The following ME1 variants were observed in gnomAD, a reference collection of about 807,000 sequenced individuals.
ME1 encodes malic enzyme 1.
ME1 carries 74 observed loss-of-function variants against 66.4 expected under a neutral mutation model. That is an observed-to-expected ratio of 1.11 (90% CI 0.92 to 1.35). ME1 has a LOEUF of 1.35. Among genes scored for constraint, ME1 ranks in the 40% most tolerant of loss-of-function variants. The pLI is 0.00. For missense variants in ME1, 750 were observed against 694.1 expected (o/e 1.08, Z -0.90); for synonymous variants, 251 against 235.6 (o/e 1.07, Z -0.60).
chr6:83,212,188 T>C (rs1305613900), intron 13 of ME1, 94 bp from the exon 14 acceptor site: 1 of 816,856 alleles, frequency 1.2e-6, no homozygotes. Flanking sequence ...AAAAACACTG[T>C]ATCCTATGTT....
chr6:83,364,378 CTTAATAA>C (rs1769060429), intron 3 of ME1, among the ~76,000 whole-genome samples: 1 of 151,824 alleles, frequency 6.6e-6, no homozygotes. Flanking sequence ...TGAGTTAATA[CTTAATAA>C]ACTCCCCTAT....
At chr6:83,225,808 T>TTATATATATATATATA (rs57577563) in intron 11 of ME1, among the ~76,000 whole-genome samples, 9 of 138,022 alleles carry the variant, frequency 6.5e-5, no homozygotes, top group Non-Finnish European at 1.1e-4. Context: ...GCCTGTAACA[T>TTATATATATATATATA]TATATATATA....
At chr6:83,308,054 A>C (rs1377291185) in intron 6 of ME1, among the ~76,000 whole-genome samples, 1 of 152,118 alleles carries the variant, frequency 6.6e-6, no homozygotes, top group Non-Finnish European at 1.5e-5. Context: ...AAAAAGCATA[A>C]TTGTATGAAA....
intron 6 of ME1, among the ~76,000 whole-genome samples, chr6:83,281,611 G>C (rs1163686117): frequency 6.6e-6 from 1 of 151,720 alleles, no homozygotes; most frequent in Non-Finnish European, 1.5e-5. Flanking sequence ...TTTGAGACCA[G>C]CCTGGCCAAG....
intron 8 of ME1, 98 bp downstream of exon 8, chr6:83,239,441 A>C: frequency 1.2e-6 from 1 of 803,106 alleles, no homozygotes. Flanking sequence ...ATAATATACT[A>C]AAAATTTGAA....
chr6:83,265,029 T>C (rs1368835369), intron 6 of ME1, among the ~76,000 whole-genome samples: 1 of 152,158 alleles, frequency 6.6e-6, no homozygotes, highest in African/African-American at 2.4e-5. Context: ...TCAATTGATG[T>C]TGCAAACTCC....
intron 9 of ME1, among the ~76,000 whole-genome samples, chr6:83,233,884 T>C (rs1459260117): frequency 2.0e-5 from 3 of 152,048 alleles, no homozygotes; most frequent in Admixed American, 1.3e-4. Flanking sequence ...TATAAGGATT[T>C]TGACTGTTTA....
intron 6 of ME1, among the ~76,000 whole-genome samples, chr6:83,255,436 A>C (rs1766748271): frequency 1.3e-5 from 2 of 151,790 alleles, no homozygotes; most frequent in East Asian, 3.9e-4. Flanking sequence ...TAGATCTTTC[A>C]ATTCTTTTAT....
At chr6:83,323,166 G>T (rs1202806883) in intron 5 of ME1, among the ~76,000 whole-genome samples, 1 of 152,060 alleles carries the variant, frequency 6.6e-6, no homozygotes, top group African/African-American at 2.4e-5. Flanking sequence ...CACTGAATAT[G>T]GAAAGGAAAA....
At chr6:83,413,425 A>G (rs1223571344) in intron 1 of ME1, among the ~76,000 whole-genome samples, 1 of 152,104 alleles carries the variant, frequency 6.6e-6, no homozygotes, top group Non-Finnish European at 1.5e-5. Context: ...TTTCAAATGA[A>G]TTATATATAT....
At chr6:83,259,437 A>C (rs1387748954) in intron 6 of ME1, among the ~76,000 whole-genome samples, 2 of 152,184 alleles carry the variant, frequency 1.3e-5, no homozygotes, top group Non-Finnish European at 2.9e-5. Flanking sequence ...ATTAGGTGAG[A>C]CTTAAGATGG....
intron 1 of ME1, among the ~76,000 whole-genome samples, chr6:83,412,489 C>T (rs1770070945): frequency 6.6e-6 from 1 of 152,020 alleles, no homozygotes; most frequent in Non-Finnish European, 1.5e-5. Context: ...ATTAATTATA[C>T]TTGTTATAGT....
intron 6 of ME1, among the ~76,000 whole-genome samples, chr6:83,275,905 G>T (rs562480228): frequency 1.6e-4 from 24 of 147,804 alleles, no homozygotes; most frequent in Middle Eastern, 3.5e-3. Context: ...GAGTAGCTGG[G>T]ACTACAGGTG....
intron 3 of ME1, among the ~76,000 whole-genome samples, chr6:83,372,491 G>A (rs1439024662): frequency 6.6e-6 from 1 of 152,158 alleles, no homozygotes; most frequent in African/African-American, 2.4e-5. Flanking sequence ...ATCCACTCAT[G>A]TGGATTCTCC....
intron 9 of ME1, among the ~76,000 whole-genome samples, chr6:83,233,658 A>C (rs1377852589): frequency 6.6e-6 from 1 of 151,984 alleles, no homozygotes; most frequent in Non-Finnish European, 1.5e-5. Flanking sequence ...TTTCACCAAG[A>C]AAATTTTTTA....
chr6:83,270,729 G>T (rs1341382098), intron 6 of ME1, among the ~76,000 whole-genome samples: 1 of 152,146 alleles, frequency 6.6e-6, no homozygotes, highest in South Asian at 2.1e-4. Flanking sequence ...TGCATAATAT[G>T]TGGAATTTCT....
chr6:83,233,389 C>T (rs910662443), intron 9 of ME1, among the ~76,000 whole-genome samples: 2 of 151,966 alleles, frequency 1.3e-5, no homozygotes, highest in African/African-American at 2.4e-5. Context: ...TGATCCATAA[C>T]CAAGTAATTG....
chr6:83,307,971 T>C (rs1432178642), intron 6 of ME1, among the ~76,000 whole-genome samples: 4 of 152,158 alleles, frequency 2.6e-5, no homozygotes, highest in African/African-American at 9.6e-5. Flanking sequence ...TATTACCAAC[T>C]TGATAGTATC....
At chr6:83,430,336 C>A (rs1428685687) in intron 1 of ME1, among the ~76,000 whole-genome samples, 2 of 152,234 alleles carry the variant, frequency 1.3e-5, no homozygotes, top group African/African-American at 4.8e-5. Flanking sequence ...TTAACCGTGT[C>A]ACTCCAGAAA....
Sources: gnomAD v4.1 joint callset for allele counts (sites outside exome capture counted in the v4.1 genomes callset) on GRCh38, gnomAD v4.1.1 for gene constraint, MANE v1.5 for transcripts, NCBI Gene and HGNC (gene_info 2026-07-23, HGNC 2026-07-21) for gene names.